The following LYN variants were observed in gnomAD, a reference collection of about 807,000 sequenced individuals.
LYN encodes LYN proto-oncogene, Src family tyrosine kinase.
A neutral mutation model predicts 65.0 loss-of-function variants in LYN; 12 were observed. That is an observed-to-expected ratio of 0.18 (90% CI 0.12 to 0.30). LYN has a LOEUF of 0.30. Among genes scored for constraint, LYN ranks in the 10% least tolerant of loss-of-function variants. The probability of loss-of-function intolerance (pLI) is 1.00; values close to 1 mark genes in which losing one functional copy is unlikely to be tolerated. For synonymous variants in LYN, 222 were observed against 221.2 expected (o/e 1.00, Z -0.03); for missense variants, 380 against 623.2 (o/e 0.61, Z 4.16).
At chr8:55,911,314 G>T (rs1245124077) in intron 1 of LYN, among the ~76,000 whole-genome samples, 1 of 114,936 alleles carries the variant, frequency 8.7e-6, no homozygotes, top group African/African-American at 3.4e-5. Flanking sequence ...TAGAGACAGG[G>T]TTTCACCATG....
At chr8:55,920,331 T>G (rs1235200810) in intron 1 of LYN, among the ~76,000 whole-genome samples, 2 of 152,304 alleles carry the variant, frequency 1.3e-5, no homozygotes. Context: ...ATAAAGCCTC[T>G]TTAGCAATTT....
At chr8:56,002,733 C>T (rs1046328850) in intron 12 of LYN, among the ~76,000 whole-genome samples, 1 of 151,870 alleles carries the variant, frequency 6.6e-6, no homozygotes, top group Non-Finnish European at 1.5e-5. Flanking sequence ...CACCAGAATC[C>T]ATCGACTAGT....
At chr8:55,924,282 C>T (rs1348047265) in intron 1 of LYN, among the ~76,000 whole-genome samples, 1 of 152,112 alleles carries the variant, frequency 6.6e-6, no homozygotes, top group Non-Finnish European at 1.5e-5. Context: ...CCTCAAAACA[C>T]AGTTTGGGAA....
chr8:55,892,739 T>A (rs1804991736), intron 1 of LYN, among the ~76,000 whole-genome samples: 4 of 152,184 alleles, frequency 2.6e-5, no homozygotes, highest in Admixed American at 1.3e-4. Context: ...CAGTTCTTTC[T>A]AACAGGATTC....
At chr8:55,961,461 A>T (rs531848080) in intron 8 of LYN, among the ~76,000 whole-genome samples, 2 of 152,236 alleles carry the variant, frequency 1.3e-5, no homozygotes, top group African/African-American at 4.8e-5. Context: ...AAACCACCCT[A>T]TTGTTTCAAT....
At chr8:55,891,125 G>T (rs1252143459) in intron 1 of LYN, among the ~76,000 whole-genome samples, 1 of 151,998 alleles carries the variant, frequency 6.6e-6, no homozygotes, top group Admixed American at 6.5e-5. Context: ...GGCCAAGGTG[G>T]GCGGATCACC....
intron 1 of LYN, among the ~76,000 whole-genome samples, chr8:55,930,444 C>T (rs1186211410): frequency 1.3e-5 from 2 of 152,108 alleles, no homozygotes; most frequent in Non-Finnish European, 2.9e-5. Flanking sequence ...AATCTGGAAA[C>T]AAAGTTGATG....
chr8:55,947,261 A>T (rs1806806894), intron 3 of LYN, among the ~76,000 whole-genome samples: 1 of 152,204 alleles, frequency 6.6e-6, no homozygotes, highest in Admixed American at 6.5e-5. Flanking sequence ...AAAGAGAAAA[A>T]CCAAAATGCT....
At chr8:55,961,603 T>A (rs1807274609) in intron 8 of LYN, among the ~76,000 whole-genome samples, 1 of 152,204 alleles carries the variant, frequency 6.6e-6, no homozygotes, top group Admixed American at 6.5e-5. Flanking sequence ...TATTTCCTGA[T>A]GACTTCCCCC....
chr8:55,902,021 T>A (rs1025952842), intron 1 of LYN, among the ~76,000 whole-genome samples: 1 of 151,848 alleles, frequency 6.6e-6, no homozygotes, highest in Non-Finnish European at 1.5e-5. Context: ...CTTTCTTTTT[T>A]TTTTGAGACG....
In LYN at chr8:55,928,839, G is replaced by T. The variant is rs115531140; in HGVS notation, c.-5-13016G>T. Among the ~76,000 whole-genome samples the T allele has an allele frequency of 4.1e-3, 625 of 152,120 alleles. 2 individuals carry two copies. Among genetic ancestry groups the T allele is most frequent in the Non-Finnish European group, 7.7e-3 (521 of 67,978 alleles). On this transcript the variant is annotated intron_variant, in intron 1 of 12. Transcript: ENST00000519728. The stretch of plus-strand genomic sequence containing the variant: ...ATCATTTTGATGTTGTATGTAAAAT[G>T]TCATCACCAAACCCAAGGTCATCTA...
intron 8 of LYN, among the ~76,000 whole-genome samples, chr8:55,956,081 TC>T (rs1235791374): frequency 6.6e-6 from 1 of 152,118 alleles, no homozygotes; most frequent in Admixed American, 6.6e-5. Context: ...TTGAACTTTT[TC>T]AAGAACCACA....
Position 56,010,065 on chromosome 8 carries a change from T to G in LYN, c.1494T>G (p.Asp498Glu). The part of the protein sequence containing the change: ...PTFDYLQSVL[D>E]DFYTATEGQY... ...TTGACTACTTACAGAGCGTCCTGGA[T>G]GATTTCTACACAGCCACGGAAGGGC... The change falls in exon 13 of 13, where the codon GAT becomes GAG. Residue 498 changes from aspartate (D) to glutamate (E), a missense_variant. By Grantham distance (45) the Asp-to-Glu change is conservative (BLOSUM62 2). Transcript: ENST00000519728. 6.2e-7 allele frequency: 1 copy of G among 1,614,148 alleles called. No homozygotes were observed. Among genetic ancestry groups the G allele is most frequent in the Non-Finnish European group, 8.5e-7 (1 of 1,180,014 alleles).
chr8:55,949,345 C>T (rs1233248540), intron 4 of LYN, among the ~76,000 whole-genome samples: 2 of 152,140 alleles, frequency 1.3e-5, no homozygotes, highest in African/African-American at 4.8e-5. Context: ...CTTTGTGCAC[C>T]CCTGATCGCA....
chr8:55,886,601 A>G (rs1008586765), intron 1 of LYN, among the ~76,000 whole-genome samples: 1 of 152,234 alleles, frequency 6.6e-6, no homozygotes, highest in Non-Finnish European at 1.5e-5. Flanking sequence ...CTTGTGCTCA[A>G]ATACACATAT....
At chr8:55,909,809 T>A (rs1014388218) in intron 1 of LYN, among the ~76,000 whole-genome samples, 2 of 152,196 alleles carry the variant, frequency 1.3e-5, no homozygotes, top group Non-Finnish European at 2.9e-5. Context: ...TTCTGAGTGG[T>A]GTAAGATGAA....
chr8:55,978,718 G>A (rs1028845960), intron 10 of LYN, among the ~76,000 whole-genome samples: 2 of 152,170 alleles, frequency 1.3e-5, no homozygotes, highest in African/African-American at 2.4e-5. Context: ...GGGTTGCAGC[G>A]CAGGCGACGG....
At chr8:55,927,903 G>A (rs764089964) in intron 1 of LYN, among the ~76,000 whole-genome samples, 3 of 152,076 alleles carry the variant, frequency 2.0e-5, no homozygotes, top group Non-Finnish European at 4.4e-5. Context: ...GTGTACATAC[G>A]TTTTCAACTC....
intron 1 of LYN, among the ~76,000 whole-genome samples, chr8:55,899,174 T>C (rs1450597553): frequency 6.6e-6 from 1 of 152,204 alleles, no homozygotes; most frequent in African/African-American, 2.4e-5. Context: ...ACAGAAAATA[T>C]AGTAAGAATA....
Sources: allele counts gnomAD v4.1 joint callset (sites outside exome capture counted in the v4.1 genomes callset), GRCh38; gene constraint gnomAD v4.1.1; transcripts MANE v1.5; gene names NCBI Gene and HGNC (gene_info 2026-07-23, HGNC 2026-07-21).